HNF1B: variants seen among roughly 807,000 people sequenced by gnomAD.
The protein encoded by HNF1B is HNF1 homeobox B.
Under a neutral mutation model 61.7 loss-of-function variants are expected in HNF1B, and 8 were observed. That is an observed-to-expected ratio of 0.13 (90% CI 0.08 to 0.23). The LOEUF (loss-of-function observed/expected upper bound fraction) is 0.23, where lower values mean the gene tolerates loss of function less well. HNF1B is among the 10% of genes least tolerant of loss of function. The pLI is 1.00. For missense variants in HNF1B, 562 were observed against 714.5 expected, an observed-to-expected ratio of 0.79 and a Z score of 2.43; for synonymous variants, 314 against 287.7, an observed-to-expected ratio of 1.09 and a Z score of -0.93.
chr17:37,735,765 TTTTC>T (rs1261727778), intron 2 of HNF1B, among the ~76,000 whole-genome samples: 1 of 152,098 alleles, frequency 6.6e-6, no homozygotes, highest in Non-Finnish European at 1.5e-5. Flanking sequence ...GGGTTATACT[TTTTC>T]TTTTTTTCAA....
At chr17:37,731,555 G>A (rs1285711394) in intron 4 of HNF1B, 40 bp downstream of exon 4, 2 of 1,510,468 alleles carry the variant, frequency 1.3e-6, no homozygotes, top group Non-Finnish European at 1.8e-6. Context: ...GAACCAGGAT[G>A]GTTGGGTTGC....
intron 8 of HNF1B, among the ~76,000 whole-genome samples, chr17:37,690,194 T>G (rs899306507): frequency 9.9e-5 from 15 of 151,910 alleles, no homozygotes; most frequent in African/African-American, 3.6e-4. Flanking sequence ...GGCAAGCATG[T>G]AAAAATGCAC....
chr17:37,693,178 A>G (rs954860663), intron 8 of HNF1B, among the ~76,000 whole-genome samples: 2 of 129,298 alleles, frequency 1.5e-5, no homozygotes, highest in African/African-American at 6.0e-5. Flanking sequence ...TGACAGAGTG[A>G]GATTCCATCT....
At chr17:37,700,438 T>C (rs1598805466) in intron 7 of HNF1B, among the ~76,000 whole-genome samples, 1 of 152,242 alleles carries the variant, frequency 6.6e-6, no homozygotes, top group Non-Finnish European at 1.5e-5. Flanking sequence ...CAGGATGGCA[T>C]GCCACTGGTA....
At chr17:37,740,268 C>A (rs961905551) in intron 1 of HNF1B, among the ~76,000 whole-genome samples, 1 of 152,138 alleles carries the variant, frequency 6.6e-6, no homozygotes, top group African/African-American at 2.4e-5. Flanking sequence ...CGCGCCTGGC[C>A]ATTTTATTTT....
At chr17:37,696,878 A>C (rs2032403529) in intron 8 of HNF1B, among the ~76,000 whole-genome samples, 1 of 152,250 alleles carries the variant, frequency 6.6e-6, no homozygotes, top group Non-Finnish European at 1.5e-5. Flanking sequence ...GTCAGGAGGC[A>C]GCACCTTTAC....
At chr17:37,744,046 G>C (rs2034085616) in intron 1 of HNF1B, among the ~76,000 whole-genome samples, 1 of 152,236 alleles carries the variant, frequency 6.6e-6, no homozygotes, top group Non-Finnish European at 1.5e-5. Context: ...TCCGGATGCC[G>C]CCTGTCCTTC....
intron 5 of HNF1B, among the ~76,000 whole-genome samples, chr17:37,707,687 C>T (rs1463877203): frequency 6.6e-6 from 1 of 152,002 alleles, no homozygotes; most frequent in African/African-American, 2.4e-5. Context: ...CTATCTACCG[C>T]CACAGCCTGA....
chr17:37,710,396 A>G (rs1007583957), intron 5 of HNF1B, 107 bp downstream of exon 5: 19 of 1,411,354 alleles, frequency 1.3e-5, no homozygotes, highest in African/African-American at 1.1e-4. Context: ...ATTTTCCCCT[A>G]TGGGGCTACA....
intron 3 of HNF1B, 73 bp from the exon 4 acceptor site, chr17:37,731,903 A>G: frequency 1.0e-6 from 1 of 981,136 alleles, no homozygotes; most frequent in Non-Finnish European, 1.6e-6. Context: ...CCAAAAACAC[A>G]CAATCACAGC....
intron 8 of HNF1B, among the ~76,000 whole-genome samples, chr17:37,691,521 C>T (rs1176177070): frequency 1.3e-5 from 2 of 152,096 alleles, no homozygotes; most frequent in East Asian, 1.9e-4. Context: ...AACTCAGAGC[C>T]GCTCAGGGGT....
intron 2 of HNF1B, 141 bp from the exon 3 acceptor site, chr17:37,733,962 G>T (rs1266170317): frequency 2.9e-6 from 3 of 1,025,702 alleles, no homozygotes; most frequent in South Asian, 1.4e-5. Flanking sequence ...ACTGCATGTG[G>T]AGCTGGAGAT....
At chr17:37,717,666 CAG>C (rs1281273154) in intron 4 of HNF1B, among the ~76,000 whole-genome samples, 4 of 152,232 alleles carry the variant, frequency 2.6e-5, no homozygotes, top group African/African-American at 7.2e-5. Flanking sequence ...AGGACAGAGG[CAG>C]AGAGACAAAT....
Position 37,705,035 on chromosome 17 carries a change from T to C in HNF1B, c.1221A>G (p.Gly407=). ...AGGTGCTGACTGGGGGCAAACCTCC[T>C]CCTGAGACTGAGATCTGATGGAGAG... is the stretch of plus-strand genomic sequence containing the variant. ...SPDGKMISVS[G]GGLPPVSTLT... is the part of the protein sequence containing the mutation. The change falls in exon 6 of 9, where the codon GGA becomes GGG. Residue 407 remains glycine, a synonymous_variant. Coordinates refer to ENST00000617811, the MANE Select transcript of HNF1B (RefSeq NM_000458.4). 1 of 1,613,894 alleles carries C rather than the reference T, an allele frequency of 6.2e-7. No homozygotes were observed. The highest frequency in any genetic ancestry group is 1.3e-5 in the African/African-American group (1 of 75,024).
At chr17:37,721,920 G>A (rs1359365875) in intron 4 of HNF1B, among the ~76,000 whole-genome samples, 1 of 152,112 alleles carries the variant, frequency 6.6e-6, no homozygotes, top group Non-Finnish European at 1.5e-5. Flanking sequence ...AAGTGACCCT[G>A]CTACCTTAGC....
chr17:37,728,329 C>T (rs983329846), intron 4 of HNF1B, among the ~76,000 whole-genome samples: 3 of 146,026 alleles, frequency 2.1e-5, no homozygotes, highest in African/African-American at 2.6e-5. Context: ...TTTTTTGAGA[C>T]GGAGTCTCGC....
At chr17:37,736,652 G>A (rs1199306941) in intron 2 of HNF1B, among the ~76,000 whole-genome samples, 3 of 152,190 alleles carry the variant, frequency 2.0e-5, no homozygotes, top group Non-Finnish European at 2.9e-5. Flanking sequence ...TGACAAAACC[G>A]ATTCCTGAAG....
chr17:37,717,281 T>C (rs718960), intron 4 of HNF1B, among the ~76,000 whole-genome samples: 124,404 of 152,018 alleles, frequency 0.82, 51,411 homozygotes, highest in African/African-American at 0.94. Flanking sequence ...AATGTTCCTC[T>C]GGCTGGTGGA....
chr17:37,723,476 C>G (rs1401876330), intron 4 of HNF1B, among the ~76,000 whole-genome samples: 1 of 152,192 alleles, frequency 6.6e-6, no homozygotes, highest in Non-Finnish European at 1.5e-5. Flanking sequence ...CCCCTCTGCC[C>G]CCACCAATCC....
Sources: gnomAD v4.1 joint callset for allele counts (sites outside exome capture counted in the v4.1 genomes callset) on GRCh38, gnomAD v4.1.1 for gene constraint, MANE v1.5 for transcripts, NCBI Gene and HGNC (gene_info 2026-07-23, HGNC 2026-07-21) for gene names.